The following DHX40 variants were observed in gnomAD, a reference collection of about 807,000 sequenced individuals.
DHX40 encodes the protein DEAH-box helicase 40.
DHX40 carries 28 observed loss-of-function variants against 89.6 expected under a neutral mutation model. The observed-to-expected ratio is 0.31, with a 90% CI of 0.23 to 0.43. The LOEUF (loss-of-function observed/expected upper bound fraction) is 0.43, where lower values mean the gene tolerates loss of function less well. Ranked by LOEUF, DHX40 falls within the 20% of genes least tolerant of loss-of-function variation. The pLI is 1.00. For synonymous variants in DHX40, 226 were observed against 283.6 expected, an observed-to-expected ratio of 0.80 and a Z score of 2.04; for missense variants, 457 against 844.0, an observed-to-expected ratio of 0.54 and a Z score of 5.68.
chr17:59,573,216 A>G lies in DHX40; in HGVS notation c.527A>G (p.His176Arg), dbSNP rs925270330. 6 of 1,612,430 alleles carry G rather than the reference A, an allele frequency of 3.7e-6. No individual in the cohort carries two copies. The highest frequency in any genetic ancestry group is 2.7e-5 in the African/African-American group (2 of 74,906). ...AGTGTCATTATTTTGGATGAAGCCC[A>G]TGAAAGAACTCTAACTACAGTGAGT... ...KFSVIILDEAHERTLTTDILF... is the reference protein window; with the variant it reads ...KFSVIILDEARERTLTTDILF... Residue 176 changes from histidine to arginine, a missense_variant, in exon 4 of 18, where the codon CAT becomes CGT. By Grantham distance (29) the His-to-Arg change is conservative. Around this residue, in one of 9 missense-constraint regions of DHX40, gnomAD observed 9 missense variants for 44.4 expected, o/e 0.20. Transcript: ENST00000251241.
chr17:59,566,545 C>T lies in DHX40; in HGVS notation c.113-82C>T, dbSNP rs887588834. 7.4e-6 allele frequency: 10 copies of T among 1,344,564 alleles called. No individual in the cohort carries two copies. In the Admixed American group the frequency reaches 2.3e-4, roughly 30 times the overall value. 83.3% of individuals were successfully genotyped at this position (1,344,564 alleles called of 1,614,324 possible). On this transcript the variant is annotated intron_variant, in intron 1 of 17. Transcript: ENST00000251241. The stretch of plus-strand genomic sequence containing the variant: ...CCCGTCCAGCCCTAAAATTCTATTG[C>T]CTTTCTGGTTTTAGTCATGAGAAAT...
At chr17:59,591,037 G>C (rs1006493468) in intron 12 of DHX40, among the ~76,000 whole-genome samples, 6 of 151,102 alleles carry the variant, frequency 4.0e-5, no homozygotes, top group African/African-American at 1.5e-4. Context: ...GGCCAGGTGT[G>C]GTGGCTCACA....
intron 4 of DHX40, 26 bp downstream of exon 4, chr17:59,573,261 T>A (rs2048835666): frequency 1.9e-6 from 3 of 1,570,496 alleles, no homozygotes; most frequent in African/African-American, 2.8e-5. Context: ...TATTATTATT[T>A]TTTTATTAGC....
chr17:59,602,487 T>C (rs1021002520), intron 14 of DHX40, 35 bp from the exon 15 acceptor site: 21 of 1,505,460 alleles, frequency 1.4e-5, no homozygotes, highest in South Asian at 2.4e-5. Flanking sequence ...AATTGTACTA[T>C]GAGATTTACC....
intron 13 of DHX40, 62 bp downstream of exon 13, chr17:59,598,913 T>G: frequency 1.7e-6 from 2 of 1,199,746 alleles, no homozygotes; most frequent in East Asian, 2.3e-5. Flanking sequence ...CAATACGTAC[T>G]TATGATGTGG....
Position 59,565,664 on chromosome 17 carries a change from C to T in DHX40, c.-8C>T, listed in dbSNP as rs367947065. 286 of 1,598,292 alleles carry T rather than the reference C, an allele frequency of 1.8e-4. No homozygotes were observed. The highest frequency in any genetic ancestry group is 2.1e-4 in the Non-Finnish European group (253 of 1,178,414). ...TGGACGTGCTCGCCTCCACTCGGGGCCAGGTCTATGTCCCGGTTTCCCGCA... is the reference window on the plus strand; with the variant it reads ...TGGACGTGCTCGCCTCCACTCGGGGTCAGGTCTATGTCCCGGTTTCCCGCA... On this transcript the variant is annotated 5_prime_UTR_variant, in exon 1 of 18. Transcript: ENST00000251241.
intron 12 of DHX40, among the ~76,000 whole-genome samples, chr17:59,594,363 G>A (rs1433288630): frequency 6.6e-6 from 1 of 151,728 alleles, no homozygotes; most frequent in African/African-American, 2.4e-5. Context: ...GGTATTGCCC[G>A]TCTTTGATAA....
intron 3 of DHX40, 82 bp downstream of exon 3, chr17:59,570,745 G>T: frequency 7.2e-7 from 1 of 1,398,266 alleles, no homozygotes; most frequent in Non-Finnish European, 9.6e-7. Context: ...AGTGCGTGGC[G>T]CAATCATGGC....
At chr17:59,594,080 A>G (rs1340449215) in intron 12 of DHX40, among the ~76,000 whole-genome samples, 1 of 152,218 alleles carries the variant, frequency 6.6e-6, no homozygotes, top group African/African-American at 2.4e-5. Context: ...CGAGGCTCAG[A>G]CATTCCCTCT....
chr17:59,576,103 C>A (rs920672733), intron 7 of DHX40, among the ~76,000 whole-genome samples: 1 of 147,460 alleles, frequency 6.8e-6, no homozygotes, highest in African/African-American at 2.5e-5. Context: ...GGGATTTTGC[C>A]ATGTTGGCCA....
At chr17:59,603,307 G>A (rs963917390) in intron 15 of DHX40, 7 of 152,250 alleles carry the variant, frequency 4.6e-5, no homozygotes, top group Non-Finnish European at 1.0e-4. Context: ...TTGTATGTAT[G>A]TAAATATTTA....
At chr17:59,602,877 A>T (rs1598179991) in intron 15 of DHX40, among the ~76,000 whole-genome samples, 1 of 152,280 alleles carries the variant, frequency 6.6e-6, no homozygotes, top group East Asian at 1.9e-4. Context: ...AAGGCAAGTA[A>T]CAAGAGTTTT....
At chr17:59,602,369 A>T (rs1017031285) in intron 14 of DHX40, among the ~76,000 whole-genome samples, 153 bp from the exon 15 acceptor site, 2 of 151,904 alleles carry the variant, frequency 1.3e-5, no homozygotes, top group Admixed American at 6.6e-5. Context: ...TATTTTTTCC[A>T]TTTTTTTGGT....
intron 2 of DHX40, among the ~76,000 whole-genome samples, chr17:59,569,726 G>GAT (rs1400421737): frequency 4.2e-5 from 6 of 142,488 alleles, no homozygotes; most frequent in South Asian, 4.3e-4. Flanking sequence ...TATATATATA[G>GAT]ATATATATAT....
chr17:59,595,403 G>A (rs1386142006), intron 12 of DHX40, among the ~76,000 whole-genome samples: 11 of 152,118 alleles, frequency 7.2e-5, no homozygotes, highest in African/African-American at 2.7e-4. Context: ...TAAATATATT[G>A]GAAAAGTTTT....
At chr17:59,567,449 C>T (rs2048722532) in intron 2 of DHX40, among the ~76,000 whole-genome samples, 1 of 152,214 alleles carries the variant, frequency 6.6e-6, no homozygotes, top group Non-Finnish European at 1.5e-5. Flanking sequence ...GTTTCCTCTG[C>T]TTTAACTTTG....
chr17:59,573,776 G>C lies in DHX40; in HGVS notation c.583G>C (p.Glu195Gln). 6.2e-7 allele frequency: 1 copy of C among 1,613,876 alleles called. No individual in the cohort carries two copies. Among genetic ancestry groups the C allele is most frequent in the Non-Finnish European group, 8.5e-7 (1 of 1,179,914 alleles). The change falls in exon 5 of 18, where the codon GAG becomes CAG. Residue 195 changes from glutamate to glutamine, a missense_variant. By Grantham distance (29) the Glu-to-Gln change is conservative. Coordinates refer to ENST00000251241, the MANE Select transcript of DHX40 (RefSeq NM_024612.5). ...LFGLLKKLFQEKSPNRKEHLK... is the reference protein window; with the variant it reads ...LFGLLKKLFQQKSPNRKEHLK... The stretch of plus-strand genomic sequence containing the variant: ...TGGTTTATTGAAGAAGCTATTTCAG[G>C]AGAAGTCTCCTAATAGGAAGGAGCA...
At chr17:59,601,685 T>C (rs962608964) in intron 14 of DHX40, among the ~76,000 whole-genome samples, 1 of 152,242 alleles carries the variant, frequency 6.6e-6, no homozygotes, top group Non-Finnish European at 1.5e-5. Flanking sequence ...TTTGCTTCTT[T>C]ACATCATACC....
intron 12 of DHX40, among the ~76,000 whole-genome samples, chr17:59,598,044 T>G (rs2030220607): frequency 1.3e-5 from 2 of 151,670 alleles, no homozygotes; most frequent in Admixed American, 1.3e-4. Context: ...TTTTTGTATA[T>G]TTTGTAGAGA....
Sources: gnomAD v4.1 joint callset for allele counts (sites outside exome capture counted in the v4.1 genomes callset) on GRCh38, gnomAD v4.1.1 for gene constraint, gnomAD v4.1.1 regional missense constraint, MANE v1.5 for transcripts, NCBI Gene and HGNC (gene_info 2026-07-23, HGNC 2026-07-21) for gene names.